Variants in PIKFYVE observed in about 807,000 individuals in gnomAD.
The protein encoded by PIKFYVE is phosphoinositide kinase, FYVE-type zinc finger containing, also known as 1-phosphatidylinositol 3-phosphate 5-kinase.
Under a neutral mutation model 257.9 loss-of-function variants are expected in PIKFYVE, and 122 were observed. The observed-to-expected ratio is 0.47, with a 90% CI of 0.41 to 0.55. The LOEUF (loss-of-function observed/expected upper bound fraction) is 0.55. Among genes scored for constraint, PIKFYVE ranks in the 20% least tolerant of loss-of-function variants. The pLI is 0.00. For missense variants in PIKFYVE, 2,160 were observed against 2,536.6 expected (o/e 0.85, Z 3.19); for synonymous variants, 892 against 868.9 (o/e 1.03, Z -0.47).
chr2:208,342,829 CTG>C (rs901596879), intron 32 of PIKFYVE, among the ~76,000 whole-genome samples, 180 bp downstream of exon 32: 2 of 129,450 alleles, frequency 1.5e-5, no homozygotes, highest in African/African-American at 5.6e-5. Context: ...GAATGTCACT[CTG>C]TTGCCCAGGC....
intron 7 of PIKFYVE, 108 bp downstream of exon 7, chr2:208,288,926 T>A: frequency 7.4e-7 from 1 of 1,359,560 alleles, no homozygotes; most frequent in Non-Finnish European, 1.0e-6. Flanking sequence ...TATACTTCCG[T>A]AGCTCTAAAA....
At chr2:208,292,859 A>G (rs1166441571) in intron 7 of PIKFYVE, among the ~76,000 whole-genome samples, 1 of 152,056 alleles carries the variant, frequency 6.6e-6, no homozygotes, top group African/African-American at 2.4e-5. Flanking sequence ...GTTTTGATCC[A>G]TTCTAACCAT....
At position 208,311,930 on chromosome 2, in the gene PIKFYVE, T is replaced by G. The variant is rs531542639; in HGVS notation, c.1637-306T>G. ...TCGTACAAGTATCTGAAGATTTAAT[T>G]TTCATAAACCGGTTGGTTTTGGTAA... On this transcript the variant is annotated intron_variant, in intron 12 of 41. Transcript: ENST00000264380. 6.9e-4 allele frequency among the ~76,000 whole-genome samples: 105 copies of G among 152,322 alleles called. 1 individual carries two copies. The highest frequency in any genetic ancestry group is 3.4e-3 in the Middle Eastern group (1 of 294).
intron 24 of PIKFYVE, 46 bp downstream of exon 24, chr2:208,333,539 C>T (rs754927422): frequency 6.3e-7 from 1 of 1,579,616 alleles, no homozygotes; most frequent in Non-Finnish European, 8.7e-7. Context: ...ATCTCATAAT[C>T]CCTTAAGAAT....
In PIKFYVE at chr2:208,324,970, G is replaced by A; in HGVS notation, c.2391G>A (p.Gln797=). ...GTGATTTAGTGATGTCAATGGACCA[G>A]CTGCTTACGAAACCACACCTGGGCA... is the stretch of plus-strand genomic sequence containing the variant. ...TQGDLVMSMD[Q]LLTKPHLGTC... Residue 797 remains glutamine, a synonymous_variant, in exon 19 of 42, where the codon CAG becomes CAA. Coordinates refer to ENST00000264380, the MANE Select transcript of PIKFYVE (RefSeq NM_015040.4). 1 of 1,614,080 alleles carries A rather than the reference G, an allele frequency of 6.2e-7. No homozygotes were observed. The highest frequency in any genetic ancestry group is 1.1e-5 in the South Asian group (1 of 91,074).
chr2:208,282,522 C>G (rs1690948173), intron 5 of PIKFYVE, among the ~76,000 whole-genome samples: 1 of 152,228 alleles, frequency 6.6e-6, no homozygotes, highest in South Asian at 2.1e-4. Flanking sequence ...TACAGGATTT[C>G]TGTCTTGCAG....
intron 19 of PIKFYVE, 47 bp downstream of exon 19, chr2:208,325,084 ATCACTACTACAATGT>A (rs1220245295): frequency 2.5e-6 from 4 of 1,610,774 alleles, no homozygotes; most frequent in Non-Finnish European, 2.5e-6. Context: ...GAGTTAACTT[ATCACTACTACAATGT>A]TTACTTACTA....
intron 16 of PIKFYVE, among the ~76,000 whole-genome samples, chr2:208,319,314 G>A (rs958082961): frequency 3.3e-5 from 5 of 152,040 alleles, no homozygotes; most frequent in African/African-American, 7.3e-5. Flanking sequence ...TGTACTTATC[G>A]CGTATTTTAT....
chr2:208,269,508 A>G, intron 1 of PIKFYVE: 1 of 262,374 alleles, frequency 3.8e-6, no homozygotes, highest in South Asian at 4.6e-5. Context: ...CTAACACATG[A>G]AGCCCCTCCA....
At chr2:208,291,559 C>A (rs182436844) in intron 7 of PIKFYVE, among the ~76,000 whole-genome samples, 13 of 152,182 alleles carry the variant, frequency 8.5e-5, no homozygotes, top group African/African-American at 3.1e-4. Flanking sequence ...TAATTTATTT[C>A]TTAAATGTTT....
intron 14 of PIKFYVE, among the ~76,000 whole-genome samples, chr2:208,314,758 G>T (rs947515167): frequency 2.0e-5 from 3 of 152,150 alleles, no homozygotes; most frequent in Non-Finnish European, 4.4e-5. Flanking sequence ...TTAGCCAGGC[G>T]TGGTGGCGCT....
intron 38 of PIKFYVE, 108 bp from the exon 39 acceptor site, chr2:208,352,546 T>A: frequency 7.6e-7 from 1 of 1,323,772 alleles, no homozygotes; most frequent in South Asian, 1.3e-5. Context: ...CCTTTGGTCA[T>A]ATTAATAGAA....
At position 208,354,745 on chromosome 2, in the gene PIKFYVE, GTGGT is replaced by G. The variant is rs1197557998; in HGVS notation, c.6181+102_6181+105del. ...TCTTTTTTTTAGTTGTAAAAAATAAGTGGTTATCATTGATTTCATTGTCATTTCT... is the reference window on the plus strand; with the variant it reads ...TCTTTTTTTTAGTTGTAAAAAATAAGTATCATTGATTTCATTGTCATTTCT... On this transcript the variant is annotated intron_variant, in intron 41 of 41. Coordinates refer to ENST00000264380, the MANE Select transcript of PIKFYVE (RefSeq NM_015040.4). 3.2e-6 allele frequency: 3 copies of G among 940,208 alleles called. No homozygotes were observed. The African/African-American group carries it at 5.0e-5, about 16-fold the overall frequency. 58.2% of individuals were successfully genotyped at this position (940,208 alleles called of 1,614,324 possible).
At chr2:208,345,484 A>G (rs2125763135) in intron 33 of PIKFYVE, among the ~76,000 whole-genome samples, 1 of 152,274 alleles carries the variant, frequency 6.6e-6, no homozygotes, top group African/African-American at 2.4e-5. Flanking sequence ...TTAAAAAATA[A>G]TAACTTGTAA....
intron 1 of PIKFYVE, chr2:208,269,601 GGACT>G: frequency 3.6e-6 from 1 of 279,154 alleles, no homozygotes; most frequent in South Asian, 4.3e-5. Context: ...CCACATGCCG[GGACT>G]TCAGGTCATC....
intron 8 of PIKFYVE, among the ~76,000 whole-genome samples, chr2:208,300,674 G>C (rs957786237): frequency 7.9e-5 from 12 of 152,130 alleles, no homozygotes; most frequent in African/African-American, 2.7e-4. Flanking sequence ...ATAAATAGGA[G>C]ATTGATAATA....
intron 23 of PIKFYVE, among the ~76,000 whole-genome samples, chr2:208,331,404 G>A (rs1018559681): frequency 1.3e-5 from 2 of 152,060 alleles, no homozygotes; most frequent in African/African-American, 4.8e-5. Context: ...TTGAGACAGA[G>A]TCTTGCTCTA....
At chr2:208,331,042 G>T (rs1697483183) in intron 23 of PIKFYVE, among the ~76,000 whole-genome samples, 1 of 152,128 alleles carries the variant, frequency 6.6e-6, no homozygotes, top group Non-Finnish European at 1.5e-5. Context: ...ATGAAAAAAA[G>T]AATAAGGAAT....
At position 208,355,394 on chromosome 2, in the gene PIKFYVE, C is replaced by G; in HGVS notation, c.*89C>G. On this transcript the variant is annotated 3_prime_UTR_variant, in exon 42 of 42. Coordinates refer to ENST00000264380, the MANE Select transcript of PIKFYVE (RefSeq NM_015040.4). The stretch of plus-strand genomic sequence containing the variant: ...TAAGCTACATGTTTTATTTCTTCAT[C>G]GTGTTCACCACTGTATGCCAAGGCT... 2.0e-6 allele frequency: 2 copies of G among 1,017,844 alleles called. No homozygotes were observed. The highest frequency in any genetic ancestry group is 2.0e-5 in the Admixed American group (1 of 50,950). 63.1% of individuals were successfully genotyped at this position (1,017,844 alleles called of 1,614,324 possible).
Sources: allele counts gnomAD v4.1 joint callset (sites outside exome capture counted in the v4.1 genomes callset), GRCh38; gene constraint gnomAD v4.1.1; transcripts MANE v1.5; gene names NCBI Gene and HGNC (gene_info 2026-07-23, HGNC 2026-07-21).